The following FMN2 variants were observed in gnomAD, a reference collection of about 807,000 sequenced individuals.
FMN2 encodes the protein formin 2.
In FMN2, 51 loss-of-function variants were observed where a neutral mutation model predicts 142.3. The observed-to-expected ratio is 0.36, with a 90% CI of 0.29 to 0.45. The LOEUF (loss-of-function observed/expected upper bound fraction) is 0.45, where lower values mean the gene tolerates loss of function less well. Among genes scored for constraint, FMN2 ranks in the 20% least tolerant of loss-of-function variants. The pLI is 1.00. For synonymous variants in FMN2, 882 were observed against 869.8 expected (o/e 1.01, Z -0.25); for missense variants, 1,936 against 2,122.8 (o/e 0.91, Z 1.73).
At position 240,334,157 on chromosome 1, in the gene FMN2, C is replaced by G. The variant is rs775335880; in HGVS notation, c.4693C>G (p.Leu1565Val). ...CTTTCCACTGCCAGAACCCCAGGACCTTTTTCAGGCCTCACAGATGAAGTT... is the reference window on the plus strand; with the variant it reads ...CTTTCCACTGCCAGAACCCCAGGACGTTTTTCAGGCCTCACAGATGAAGTT... ...CLFPLPEPQD[L>V]FQASQMKFED... is the part of the protein sequence containing the mutation. The change falls in exon 13 of 18, where the codon CTT becomes GTT. Residue 1565 changes from leucine to valine, a missense_variant. Physicochemically the swap from Leu to Val is conservative, Grantham distance 32. Around this residue, in one of 8 missense-constraint regions of FMN2, gnomAD observed 322 missense variants for 401.6 expected, o/e 0.80. Coordinates refer to ENST00000319653, the MANE Select transcript of FMN2 (RefSeq NM_020066.5). 2 of 1,609,228 alleles carry G rather than the reference C, an allele frequency of 1.2e-6. No individual in the cohort carries two copies. Among genetic ancestry groups the G allele is most frequent in the African/African-American group, 2.7e-5 (2 of 74,750 alleles).
rs991037886 is a variant in FMN2 at position 240,231,457 on chromosome 1, G to A, written c.4065+20222G>A. On this transcript the variant is annotated intron_variant, in intron 6 of 17. Coordinates refer to ENST00000319653, the MANE Select transcript of FMN2 (RefSeq NM_020066.5). Reference sequence around the variant, plus strand: ...TAGTGACAGAAAGTTGAACAGGAAGGAAACAGGTGTTAGTGTAAAATACAC... The same window carrying A: ...TAGTGACAGAAAGTTGAACAGGAAGAAAACAGGTGTTAGTGTAAAATACAC... Among the ~76,000 whole-genome samples the A allele has an allele frequency of 2.6e-5, 4 of 150,952 alleles. 1 individual carries two copies. The highest frequency in any genetic ancestry group is 5.9e-5 in the Non-Finnish European group (4 of 67,856).
intron 8 of FMN2, among the ~76,000 whole-genome samples, chr1:240,323,193 T>TTCTC (rs778521079): frequency 6.6e-6 from 1 of 150,448 alleles, no homozygotes; most frequent in Non-Finnish European, 1.5e-5. Context: ...TTTTCTTTCT[T>TTCTC]TCTCTCTCTC....
rs554014523 is a variant in FMN2, at chr1:240,268,543, T to G, written c.4153+10511T>G. ...ATTACTGTTGGCTCTGTAAAGCATG[T>G]GAAGGTAGTGGGGGAAGAAGTTTAG... On this transcript the variant is annotated intron_variant, in intron 7 of 17. Transcript: ENST00000319653. 8.4e-4 allele frequency among the ~76,000 whole-genome samples: 128 copies of G among 152,108 alleles called. 1 individual carries two copies. Among genetic ancestry groups the G allele is most frequent in the African/African-American group, 2.7e-3 (114 of 41,536 alleles).
intron 7 of FMN2, among the ~76,000 whole-genome samples, chr1:240,287,710 A>G (rs1391763474): frequency 1.3e-5 from 2 of 152,226 alleles, no homozygotes; most frequent in Non-Finnish European, 2.9e-5. Context: ...GGAATGTGAA[A>G]TGGGCCGTAA....
At position 240,340,262 on chromosome 1, in the gene FMN2, T is replaced by G. The variant is rs139923591; in HGVS notation, c.4765+6033T>G. On this transcript the variant is annotated intron_variant, in intron 13 of 17. Coordinates refer to ENST00000319653, the MANE Select transcript of FMN2 (RefSeq NM_020066.5). ...CTCCCCCCTCCACATTTGATGTTCTTTCAGTGTGAGTGAATGGGTGTTAAA... is the reference window on the plus strand; with the variant it reads ...CTCCCCCCTCCACATTTGATGTTCTGTCAGTGTGAGTGAATGGGTGTTAAA... Among the ~76,000 whole-genome samples, 284 of 152,252 alleles carry G rather than the reference T, an allele frequency of 1.9e-3. 1 individual carries two copies. The highest frequency in any genetic ancestry group is 6.3e-3 in the African/African-American group (260 of 41,566).
At chr1:240,165,710 G>T (rs995622552) in intron 2 of FMN2, among the ~76,000 whole-genome samples, 17 of 150,976 alleles carry the variant, frequency 1.1e-4, no homozygotes, top group Non-Finnish European at 1.5e-5. Context: ...GTTTGCTTTT[G>T]CCGGGGACCT....
intron 15 of FMN2, among the ~76,000 whole-genome samples, chr1:240,435,735 C>T (rs1675345491): frequency 6.6e-6 from 1 of 152,152 alleles, no homozygotes; most frequent in Admixed American, 6.5e-5. Flanking sequence ...TATTCCATGT[C>T]TTCTCATTCT....
intron 6 of FMN2, among the ~76,000 whole-genome samples, chr1:240,250,627 T>C (rs1368761822): frequency 6.6e-6 from 1 of 152,142 alleles, no homozygotes; most frequent in Admixed American, 6.5e-5. Flanking sequence ...TCCCTTCTCT[T>C]CTATTTTTTT....
intron 1 of FMN2, among the ~76,000 whole-genome samples, chr1:240,103,832 G>A (rs1661496337): frequency 6.6e-6 from 1 of 152,032 alleles, no homozygotes; most frequent in Admixed American, 6.6e-5. Flanking sequence ...AGGCTATTGA[G>A]TTTAAATTCT....
At chr1:240,392,632 C>G in intron 15 of FMN2, 70 bp downstream of exon 15, 1 of 1,196,632 alleles carries the variant, frequency 8.4e-7, no homozygotes, top group South Asian at 1.7e-5. Flanking sequence ...CTTAAGGAAC[C>G]AATTTTTAGT....
chr1:240,349,230 G>T (rs1429887799), intron 13 of FMN2, among the ~76,000 whole-genome samples: 1 of 152,214 alleles, frequency 6.6e-6, no homozygotes, highest in Non-Finnish European at 1.5e-5. Flanking sequence ...CTACAATGGT[G>T]TCTGTTTCCT....
chr1:240,381,485 A>T (rs561775386), intron 14 of FMN2, among the ~76,000 whole-genome samples: 21 of 152,280 alleles, frequency 1.4e-4, no homozygotes, highest in African/African-American at 5.1e-4. Context: ...GCTGGAGTGC[A>T]GTGGCGAGGT....
chr1:240,417,724 A>G (rs961611269), intron 15 of FMN2, among the ~76,000 whole-genome samples: 25 of 152,324 alleles, frequency 1.6e-4, no homozygotes, highest in African/African-American at 5.8e-4. Flanking sequence ...TTAGTGGTAC[A>G]TAAAATATTA....
intron 8 of FMN2, among the ~76,000 whole-genome samples, chr1:240,304,568 GA>G (rs1361703488): frequency 3.9e-5 from 6 of 152,138 alleles, no homozygotes; most frequent in Non-Finnish European, 8.8e-5. Flanking sequence ...AGGAATCATG[GA>G]AAAAAGAGGG....
intron 15 of FMN2, among the ~76,000 whole-genome samples, chr1:240,407,225 C>G (rs1674239975): frequency 6.6e-6 from 1 of 151,960 alleles, no homozygotes; most frequent in African/African-American, 2.4e-5. Context: ...GCAACCTCCG[C>G]TGCCCGGGTT....
rs1471697427 is a variant in FMN2 at position 240,459,717 on chromosome 1, T to TTAAAAAAAAAAAAAA, written c.5061-12655_5061-12654insTAAAAAAAAAAAAAA. Among the ~76,000 whole-genome samples the TTAAAAAAAAAAAAAA allele has an allele frequency of 1.3e-4, 9 of 67,128 alleles. 1 individual carries two copies. The highest frequency in any genetic ancestry group is 4.6e-4 in the African/African-American group (9 of 19,468). 44.0% of individuals were successfully genotyped at this position (67,128 alleles called of 152,430 possible). A position where few individuals can be genotyped will look rare whatever the true frequency, so the allele number is the denominator to read the frequency against. ...GGGTGACAGAACAAGACTCTGTCTC[T>TTAAAAAAAAAAAAAA]AAAAAAAAAAAAAAAAAAAAAAAAA... On this transcript the variant is annotated intron_variant, in intron 16 of 17. Transcript: ENST00000319653.
intron 16 of FMN2, among the ~76,000 whole-genome samples, chr1:240,443,416 T>C (rs1675692615): frequency 6.6e-6 from 1 of 152,226 alleles, no homozygotes; most frequent in Non-Finnish European, 1.5e-5. Context: ...TGTGCAAGTA[T>C]GCATTTTTTA....
intron 8 of FMN2, among the ~76,000 whole-genome samples, chr1:240,300,351 T>G (rs746089364): frequency 1.3e-5 from 2 of 152,202 alleles, no homozygotes. Flanking sequence ...GTAGAACGTT[T>G]AGGCAACATG....
At chr1:240,332,278 G>T (rs1373815630) in intron 11 of FMN2, among the ~76,000 whole-genome samples, 1 of 150,798 alleles carries the variant, frequency 6.6e-6, no homozygotes, top group East Asian at 1.9e-4. Context: ...AAAAAATGCT[G>T]AAGCCGAGTG....
Sources: gnomAD v4.1 joint callset for allele counts (sites outside exome capture counted in the v4.1 genomes callset) on GRCh38, gnomAD v4.1.1 for gene constraint, gnomAD v4.1.1 regional missense constraint, MANE v1.5 for transcripts, NCBI Gene and HGNC (gene_info 2026-07-23, HGNC 2026-07-21) for gene names.